Variants in SIPA1L1 observed in about 807,000 individuals in gnomAD.
SIPA1L1 encodes signal induced proliferation associated 1 like 1.
SIPA1L1 carries 26 observed loss-of-function variants against 162.7 expected under a neutral mutation model. That is an observed-to-expected ratio of 0.16 (90% CI 0.12 to 0.22). The LOEUF is 0.22. SIPA1L1 is among the 10% of genes least tolerant of loss of function. The pLI, the probability that SIPA1L1 is intolerant of heterozygous loss-of-function variation, is 1.00. For missense variants in SIPA1L1, 1,874 were observed against 2,241.0 expected, an observed-to-expected ratio of 0.84 and a Z score of 3.31; for synonymous variants, 829 against 837.4, an observed-to-expected ratio of 0.99 and a Z score of 0.17.
At chr14:71,605,894 T>G (rs1722893117) in intron 5 of SIPA1L1, among the ~76,000 whole-genome samples, 1 of 152,090 alleles carries the variant, frequency 6.6e-6, no homozygotes, top group African/African-American at 2.4e-5. Flanking sequence ...CAGTGGGCTG[T>G]ACAGTTGTTG....
chr14:71,415,627 C>CT lies in SIPA1L1; in HGVS notation c.-465+94455dup, dbSNP rs397714324. ...CTTGGAAGCTGTTTTTCTAGATATACTTTTTTTTTCCCTCCAGAATAGCTA... is the reference window on the plus strand; with the variant it reads ...CTTGGAAGCTGTTTTTCTAGATATACTTTTTTTTTTCCCTCCAGAATAGCTA... On this transcript the variant is annotated intron_variant, in intron 2 of 23. Transcript: ENST00000381232. Among the ~76,000 whole-genome samples, 1,406 of 151,392 alleles carry CT rather than the reference C, an allele frequency of 9.3e-3. 18 individuals carry two copies. The highest frequency in any genetic ancestry group is 0.032 in the African/African-American group (1,316 of 41,308).
intron 4 of SIPA1L1, among the ~76,000 whole-genome samples, chr14:71,544,739 GTTC>G (rs2055022590): frequency 6.6e-6 from 1 of 151,980 alleles, no homozygotes; most frequent in Non-Finnish European, 1.5e-5. Context: ...AGCTGAGTTA[GTTC>G]TTGGTTGAAA....
intron 3 of SIPA1L1, among the ~76,000 whole-genome samples, chr14:71,524,337 A>G (rs911930157): frequency 3.3e-5 from 5 of 152,144 alleles, no homozygotes; most frequent in African/African-American, 1.2e-4. Context: ...TATGTTATGT[A>G]TTCCTAATGC....
At chr14:71,595,832 G>A (rs983890869) in intron 5 of SIPA1L1, among the ~76,000 whole-genome samples, 8 of 152,034 alleles carry the variant, frequency 5.3e-5, no homozygotes, top group African/African-American at 1.7e-4. Flanking sequence ...TTCAACCTAC[G>A]ATCTCTAGTC....
intron 2 of SIPA1L1, chr14:71,418,217 G>A (rs1005407951): frequency 1.2e-4 from 19 of 152,188 alleles, no homozygotes; most frequent in African/African-American, 4.6e-4. Context: ...TTTGAATTAA[G>A]TTGTCTTTGG....
At chr14:71,419,482 T>C (rs1425148866) in intron 2 of SIPA1L1, among the ~76,000 whole-genome samples, 52 of 120,272 alleles carry the variant, frequency 4.3e-4, no homozygotes, top group East Asian at 2.3e-3. Flanking sequence ...GGATCTCTCT[T>C]TTTTTTTTTT....
intron 23 of SIPA1L1, 119 bp from the exon 24 acceptor site, chr14:71,738,899 G>T: frequency 8.3e-7 from 1 of 1,203,378 alleles, no homozygotes; most frequent in Non-Finnish European, 1.2e-6. Context: ...ACAGGTGTTT[G>T]GAGGAACGAA....
Position 71,529,389 on chromosome 14 carries a change from T to C in SIPA1L1, c.-303+19T>C. 1.6e-6 allele frequency: 1 copy of C among 633,708 alleles called. No individual in the cohort carries two copies. The highest frequency in any genetic ancestry group is 2.9e-6 in the Non-Finnish European group (1 of 347,968). 39.3% of individuals were successfully genotyped at this position (633,708 alleles called of 1,614,324 possible). ...GAATATAGTAAGTACTATGCCATAC[T>C]TCCTATGACCTACCTGCTTTACAAA... is the stretch of plus-strand genomic sequence containing the variant. On this transcript the variant is annotated intron_variant, in intron 4 of 23. Coordinates refer to ENST00000381232, the MANE Select transcript of SIPA1L1 (RefSeq NM_001386936.1).
At chr14:71,646,420 C>A (rs914346945) in intron 7 of SIPA1L1, among the ~76,000 whole-genome samples, 2 of 152,196 alleles carry the variant, frequency 1.3e-5, no homozygotes, top group African/African-American at 2.4e-5. Flanking sequence ...TCATGAGCCA[C>A]CCGCCTCGGC....
At chr14:71,545,235 T>C (rs903520840) in intron 4 of SIPA1L1, among the ~76,000 whole-genome samples, 1 of 152,198 alleles carries the variant, frequency 6.6e-6, no homozygotes. Flanking sequence ...TCATTTGTCA[T>C]TAAAAAAATA....
At chr14:71,380,665 G>C (rs1220704048) in intron 2 of SIPA1L1, among the ~76,000 whole-genome samples, 1 of 152,168 alleles carries the variant, frequency 6.6e-6, no homozygotes. Flanking sequence ...TGTCAGGGTT[G>C]GTAGGCCTTG....
At chr14:71,658,263 A>T in intron 8 of SIPA1L1, 70 bp from the exon 9 acceptor site, 1 of 778,350 alleles carries the variant, frequency 1.3e-6, no homozygotes, top group Non-Finnish European at 2.2e-6. Flanking sequence ...TTCTTTTTTG[A>T]GATATTTCTC....
intron 2 of SIPA1L1, among the ~76,000 whole-genome samples, chr14:71,408,515 T>C (rs2042180532): frequency 6.6e-6 from 1 of 152,212 alleles, no homozygotes; most frequent in Non-Finnish European, 1.5e-5. Context: ...GTAACTGAAT[T>C]GGGCCTGACT....
At position 71,596,437 on chromosome 14, in the gene SIPA1L1, G is replaced by A. The variant is rs78286757; in HGVS notation, c.1498+7067G>A. On this transcript the variant is annotated intron_variant, in intron 5 of 23. Transcript: ENST00000381232. The stretch of plus-strand genomic sequence containing the variant: ...TTTCTTGTGACCGAACTGGTTGCAG[G>A]TTCTTTCTAGAAGGGAAATCAGAGT... 5.7e-3 allele frequency among the ~76,000 whole-genome samples: 871 copies of A among 152,258 alleles called. 14 individuals carry two copies. Among genetic ancestry groups the A allele is most frequent in the African/African-American group, 0.02 (824 of 41,534 alleles).
chr14:71,344,771 A>G (rs1165608684), intron 2 of SIPA1L1, among the ~76,000 whole-genome samples: 4 of 152,070 alleles, frequency 2.6e-5, no homozygotes, highest in African/African-American at 9.7e-5. Context: ...TTGCCACGTT[A>G]CACAGGCTGC....
rs1393477697 is a variant in SIPA1L1, at chr14:71,596,242, AT to A, written c.1498+6874del. Among the ~76,000 whole-genome samples, 5 of 152,346 alleles carry A rather than the reference AT, an allele frequency of 3.3e-5. No individual in the cohort carries two copies. In the South Asian group the frequency reaches 8.3e-4, roughly 25 times the overall value. ...TCAATGCAAAGGGTCAAAAATGAGC[AT>A]TAGAGAAGCATTACTAGAGCATTAC... is the stretch of plus-strand genomic sequence containing the variant. On this transcript the variant is annotated intron_variant, in intron 5 of 23. Transcript: ENST00000381232.
intron 2 of SIPA1L1, among the ~76,000 whole-genome samples, chr14:71,506,814 A>G (rs1160195682): frequency 1.4e-5 from 2 of 147,562 alleles, no homozygotes; most frequent in Non-Finnish European, 3.0e-5. Flanking sequence ...CTATTTTGTA[A>G]TCTTTTTTTT....
chr14:71,451,636 A>G (rs2045831539), intron 2 of SIPA1L1, among the ~76,000 whole-genome samples: 1 of 150,608 alleles, frequency 6.6e-6, no homozygotes, highest in Non-Finnish European at 1.5e-5. Context: ...TTGTCTCAAA[A>G]AAAAAAAAAA....
rs532019773 is a variant in SIPA1L1 at position 71,407,577 on chromosome 14, GC to G, written c.-465+86397del. Among the ~76,000 whole-genome samples, 9 of 150,042 alleles carry G rather than the reference GC, an allele frequency of 6.0e-5. No homozygotes were observed. In the South Asian group the frequency reaches 1.3e-3, roughly 21 times the overall value. ...TTGGGAGTGTAGCGGCATGATCAGG[GC>G]TGACTGAAGCCTGGAACACCTGGGC... On this transcript the variant is annotated intron_variant, in intron 2 of 23. Coordinates refer to ENST00000381232, the MANE Select transcript of SIPA1L1 (RefSeq NM_001386936.1).
Sources: allele counts gnomAD v4.1 joint callset (sites outside exome capture counted in the v4.1 genomes callset), GRCh38; gene constraint gnomAD v4.1.1; transcripts MANE v1.5; gene names NCBI Gene and HGNC (gene_info 2026-07-23, HGNC 2026-07-21).